PANX1: variants seen among roughly 807,000 people sequenced by gnomAD.
PANX1 encodes the protein pannexin 1, also known as pannexin-1.
Under a neutral mutation model 38.7 loss-of-function variants are expected in PANX1, and 30 were observed. That is an observed-to-expected ratio of 0.78 (90% CI 0.58 to 1.05). The LOEUF (loss-of-function observed/expected upper bound fraction) is 1.05, where lower values mean the gene tolerates loss of function less well. Ranked by LOEUF, PANX1 falls within the 50% of genes least tolerant of loss-of-function variation. The pLI, the probability that PANX1 is intolerant of heterozygous loss-of-function variation, is 0.00. For synonymous variants in PANX1, 230 were observed against 212.2 expected (o/e 1.08, Z -0.73); for missense variants, 551 against 517.2 (o/e 1.07, Z -0.63).
chr11:94,146,691 C>T (rs1384122147), intron 1 of PANX1, among the ~76,000 whole-genome samples: 3 of 152,202 alleles, frequency 2.0e-5, no homozygotes, highest in Non-Finnish European at 1.5e-5. Flanking sequence ...AAGAGCATTG[C>T]ATTAAACAGG....
chr11:94,145,045 TATC>T (rs1565374745), intron 1 of PANX1, among the ~76,000 whole-genome samples: 1 of 152,196 alleles, frequency 6.6e-6, no homozygotes, highest in Non-Finnish European at 1.5e-5. Flanking sequence ...ATCAACATAA[TATC>T]ATATCAGTGT....
chr11:94,159,208 C>CTT (rs75061835), intron 2 of PANX1, among the ~76,000 whole-genome samples: 3 of 151,060 alleles, frequency 2.0e-5, no homozygotes, highest in Admixed American at 1.3e-4. Flanking sequence ...GTCTAAAGTT[C>CTT]TTTTTTTTTG....
At chr11:94,180,535 C>T (rs1947293857) in intron 4 of PANX1, among the ~76,000 whole-genome samples, 1 of 152,206 alleles carries the variant, frequency 6.6e-6, no homozygotes, top group South Asian at 2.1e-4. Flanking sequence ...CTCTCTTGCT[C>T]AGCAATCTTC....
intron 2 of PANX1, among the ~76,000 whole-genome samples, chr11:94,174,614 T>TA (rs1947209280): frequency 2.0e-5 from 3 of 151,662 alleles, no homozygotes; most frequent in Non-Finnish European, 4.4e-5. Context: ...ATCTGTCCTG[T>TA]GTAATCTTGG....
chr11:94,148,151 T>G (rs1217443233), intron 1 of PANX1, among the ~76,000 whole-genome samples: 1 of 152,196 alleles, frequency 6.6e-6, no homozygotes, highest in Non-Finnish European at 1.5e-5. Context: ...TGCATGTGCC[T>G]CAGAGTCAGT....
chr11:94,173,765 T>C (rs563909928), intron 2 of PANX1, among the ~76,000 whole-genome samples: 7 of 151,860 alleles, frequency 4.6e-5, no homozygotes, highest in African/African-American at 1.5e-4. Context: ...TATATTTGAT[T>C]TTGCCCTCTA....
chr11:94,162,137 G>A (rs1016425360), intron 2 of PANX1, among the ~76,000 whole-genome samples: 1 of 152,190 alleles, frequency 6.6e-6, no homozygotes, highest in Non-Finnish European at 1.5e-5. Context: ...CTACTGGGGG[G>A]TGCCTCCCAG....
At chr11:94,156,090 T>C (rs1946945965) in intron 2 of PANX1, among the ~76,000 whole-genome samples, 1 of 152,112 alleles carries the variant, frequency 6.6e-6, no homozygotes, top group African/African-American at 2.4e-5. Context: ...GGGGTGTTAG[T>C]AATTATTTTA....
rs760649767 is a variant in PANX1, at chr11:94,129,287, C to G, written c.-26C>G. The G allele has an allele frequency of 2.5e-6, 4 of 1,587,506 alleles. No individual in the cohort carries two copies. The highest frequency in any genetic ancestry group is 2.7e-5 in the African/African-American group (2 of 74,348). ...CCGACGCCGGCTGTACCCGGACCTC[C>G]TGGTCGAGCCTGGCGCGCCGCAGCC... On this transcript the variant is annotated 5_prime_UTR_variant, in exon 1 of 5. Transcript: ENST00000227638.
At chr11:94,143,085 C>T (rs997209813) in intron 1 of PANX1, among the ~76,000 whole-genome samples, 3 of 152,260 alleles carry the variant, frequency 2.0e-5, no homozygotes, top group Non-Finnish European at 4.4e-5. Context: ...AAGTCCTTTT[C>T]ATGTTGCCAG....
At chr11:94,156,016 G>A (rs1209044560) in intron 2 of PANX1, among the ~76,000 whole-genome samples, 2 of 152,130 alleles carry the variant, frequency 1.3e-5, no homozygotes, top group Non-Finnish European at 2.9e-5. Context: ...TGAAAATAGA[G>A]AGTTTTAATG....
intron 2 of PANX1, among the ~76,000 whole-genome samples, chr11:94,161,648 TC>T (rs1312707139): frequency 6.6e-6 from 1 of 152,196 alleles, no homozygotes; most frequent in African/African-American, 2.4e-5. Context: ...GTTTTTAACT[TC>T]TTTGCCATTG....
rs1004665813 is a variant in PANX1, at chr11:94,181,154, A to C, written c.*285A>C. ...AGCAGAAAGACAAGAACAATTAGTC[A>C]AGAGCAGTAGCCCTGTCAGAGCCTC... On this transcript the variant is annotated 3_prime_UTR_variant, in exon 5 of 5. Coordinates refer to ENST00000227638, the MANE Select transcript of PANX1 (RefSeq NM_015368.4). 1 of 374,396 alleles carries C rather than the reference A, an allele frequency of 2.7e-6. No individual in the cohort carries two copies. Among genetic ancestry groups the C allele is most frequent in the Non-Finnish European group, 5.0e-6 (1 of 201,728 alleles). 23.2% of individuals were successfully genotyped at this position (374,396 alleles called of 1,614,324 possible). A position where few individuals can be genotyped will look rare whatever the true frequency, so the allele number is the denominator to read the frequency against.
rs1024776346 is a variant in PANX1, at chr11:94,130,919, A to C, written c.181+1426A>C. Among the ~76,000 whole-genome samples the C allele has an allele frequency of 2.5e-4, 38 of 152,338 alleles. 1 individual carries two copies. Among genetic ancestry groups the C allele is most frequent in the African/African-American group, 8.7e-4 (36 of 41,576 alleles). On this transcript the variant is annotated intron_variant, in intron 1 of 4. Coordinates refer to ENST00000227638, the MANE Select transcript of PANX1 (RefSeq NM_015368.4). ...TTGTTCAGCTTGGCAGGAAGTTGCC[A>C]AATTCATTGTGGAAAATAGTTTTTA... is the stretch of plus-strand genomic sequence containing the variant.
intron 1 of PANX1, among the ~76,000 whole-genome samples, chr11:94,149,683 C>A (rs1946864650): frequency 6.6e-6 from 1 of 152,188 alleles, no homozygotes; most frequent in South Asian, 2.1e-4. Context: ...CTTGCAAAAT[C>A]TGTTCCCTAG....
intron 2 of PANX1, among the ~76,000 whole-genome samples, chr11:94,156,556 G>T (rs551745511): frequency 1.3e-5 from 2 of 152,194 alleles, no homozygotes; most frequent in South Asian, 2.1e-4. Context: ...ATAGGGACAA[G>T]AGTCCTGATT....
Position 94,154,062 on chromosome 11 carries a change from C to G in PANX1, c.321+432C>G, listed in dbSNP as rs550652666. 2.6e-5 allele frequency among the ~76,000 whole-genome samples: 4 copies of G among 152,302 alleles called. No individual in the cohort carries two copies. In the South Asian group the frequency reaches 8.3e-4, roughly 32 times the overall value. ...TCTCTTGCAGAAAGTAAGGACTGACCTAGAGTTCAGTTGCTTCTAGCTGAT... is the reference window on the plus strand; with the variant it reads ...TCTCTTGCAGAAAGTAAGGACTGACGTAGAGTTCAGTTGCTTCTAGCTGAT... On this transcript the variant is annotated intron_variant, in intron 2 of 4. Coordinates refer to ENST00000227638, the MANE Select transcript of PANX1 (RefSeq NM_015368.4).
At chr11:94,162,182 A>T (rs1051798005) in intron 2 of PANX1, among the ~76,000 whole-genome samples, 2 of 152,154 alleles carry the variant, frequency 1.3e-5, no homozygotes, top group Admixed American at 6.5e-5. Context: ...CCACTTGAGG[A>T]GGCAGTCTGT....
chr11:94,141,878 C>T (rs1038782332), intron 1 of PANX1, among the ~76,000 whole-genome samples: 6 of 152,116 alleles, frequency 3.9e-5, no homozygotes, highest in Admixed American at 1.3e-4. Flanking sequence ...AATAAATTAG[C>T]GCTCGAAGCA....
Sources: gnomAD v4.1 joint callset for allele counts (sites outside exome capture counted in the v4.1 genomes callset) on GRCh38, gnomAD v4.1.1 for gene constraint, MANE v1.5 for transcripts, NCBI Gene and HGNC (gene_info 2026-07-23, HGNC 2026-07-21) for gene names.